RAD51B: variants seen among roughly 807,000 people sequenced by gnomAD.
RAD51B encodes the protein DNA repair protein RAD51 homolog 2.
Under a neutral mutation model 42.2 loss-of-function variants are expected in RAD51B, and 38 were observed. That is an observed-to-expected ratio of 0.90 (90% CI 0.70 to 1.18). The LOEUF is 1.18. Among genes scored for constraint, RAD51B ranks in the 50% most tolerant of loss-of-function variants. The pLI is 0.00. For missense variants in RAD51B, 373 were observed against 400.7 expected (o/e 0.93, Z 0.59); for synonymous variants, 154 against 145.2 (o/e 1.06, Z -0.43).
At chr14:68,209,693 C>T (rs1385763700) in intron 7 of RAD51B, among the ~76,000 whole-genome samples, 2 of 152,144 alleles carry the variant, frequency 1.3e-5, no homozygotes, top group African/African-American at 4.8e-5. Context: ...TCCTGCCCTT[C>T]GGATACACAT....
chr14:67,864,009 G>GGA (rs1183943684), intron 4 of RAD51B, among the ~76,000 whole-genome samples: 8 of 151,566 alleles, frequency 5.3e-5, no homozygotes, highest in Admixed American at 2.0e-4. Context: ...TGGCGGAACA[G>GGA]GAGAGAGAGA....
At chr14:67,995,163 A>C (rs564816249) in intron 7 of RAD51B, among the ~76,000 whole-genome samples, 31 of 152,190 alleles carry the variant, frequency 2.0e-4, no homozygotes, top group Admixed American at 5.9e-4. Flanking sequence ...TGAGGTGGGC[A>C]GATCATAAGG....
chr14:68,515,764 C>CTTTCT (rs541581952), intron 10 of RAD51B, among the ~76,000 whole-genome samples: 3 of 107,406 alleles, frequency 2.8e-5, no homozygotes, highest in African/African-American at 5.6e-5. Context: ...TTCTTTCTTT[C>CTTTCT]TTTCTTTTCT....
chr14:68,399,666 T>C (rs2084037247), intron 8 of RAD51B, among the ~76,000 whole-genome samples: 1 of 152,242 alleles, frequency 6.6e-6, no homozygotes, highest in African/African-American at 2.4e-5. Flanking sequence ...TGCTGAACCA[T>C]CTGAGGGCAA....
intron 10 of RAD51B, among the ~76,000 whole-genome samples, chr14:68,622,702 G>A (rs1303319055): frequency 7.8e-6 from 1 of 128,538 alleles, no homozygotes; most frequent in Non-Finnish European, 1.6e-5. Context: ...TTGATGCTGG[G>A]TCTATTAATG....
At chr14:68,009,700 C>T (rs973876314) in intron 7 of RAD51B, among the ~76,000 whole-genome samples, 5 of 151,878 alleles carry the variant, frequency 3.3e-5, no homozygotes, top group South Asian at 2.1e-4. Context: ...ACTTGCTAGA[C>T]GACCTCTTCT....
chr14:68,062,384 G>A lies in RAD51B; in HGVS notation c.756+175180G>A, dbSNP rs115550749. On this transcript the variant is annotated intron_variant, in intron 7 of 10. Transcript: ENST00000471583. ...TTTGGTTGTGTCCTTGTCTGGTTTT[G>A]GTATCAGGGTAATGCTGGACTTATA... Among the ~76,000 whole-genome samples, 492 of 152,202 alleles carry A rather than the reference G, an allele frequency of 3.2e-3. 2 individuals are homozygous for A. Among genetic ancestry groups the A allele is most frequent in the African/African-American group, 9.8e-3 (405 of 41,526 alleles).
intron 11 of RAD51B, among the ~76,000 whole-genome samples, chr14:68,657,292 A>C (rs1206374008): frequency 1.3e-5 from 2 of 152,282 alleles, no homozygotes; most frequent in East Asian, 3.9e-4. Flanking sequence ...GAAACTTAGC[A>C]CTTCATGGCT....
intron 8 of RAD51B, among the ~76,000 whole-genome samples, chr14:68,394,685 C>T (rs1225880912): frequency 6.6e-6 from 1 of 152,224 alleles, no homozygotes. Flanking sequence ...AAGGTATCTA[C>T]TTTATCCCAG....
intron 8 of RAD51B, among the ~76,000 whole-genome samples, chr14:68,403,348 TA>T (rs1474047887): frequency 2.6e-5 from 4 of 152,246 alleles, no homozygotes; most frequent in African/African-American, 9.6e-5. Flanking sequence ...AGCATTCTTT[TA>T]AAGTTGACCC....
At chr14:68,406,633 C>G (rs548034839) in intron 8 of RAD51B, among the ~76,000 whole-genome samples, 7 of 152,116 alleles carry the variant, frequency 4.6e-5, no homozygotes, top group Admixed American at 4.6e-4. Flanking sequence ...ACCCCGTATC[C>G]TTAGGCTATA....
chr14:68,099,094 G>T (rs1428837914), intron 7 of RAD51B, among the ~76,000 whole-genome samples: 2 of 152,154 alleles, frequency 1.3e-5, no homozygotes, highest in Non-Finnish European at 2.9e-5. Context: ...TAATTGCTAG[G>T]TTTAACGAAG....
downstream of RAD51B, among the ~76,000 whole-genome samples, chr14:68,480,628 C>G (rs1300203358): frequency 6.6e-6 from 1 of 151,770 alleles, no homozygotes; most frequent in Non-Finnish European, 1.5e-5. Flanking sequence ...AGAAATTTCT[C>G]CTTGTCCCTT....
intron 7 of RAD51B, among the ~76,000 whole-genome samples, chr14:67,918,855 A>AT (rs1426504880): frequency 2.0e-5 from 3 of 152,212 alleles, no homozygotes; most frequent in African/African-American, 4.8e-5. Flanking sequence ...GCCTAAAGAT[A>AT]TTTTTTTAGC....
chr14:67,936,924 T>G (rs2044976743), intron 7 of RAD51B, among the ~76,000 whole-genome samples: 1 of 152,240 alleles, frequency 6.6e-6, no homozygotes. Context: ...GTAATTGGGT[T>G]GTCTTTTTAT....
chr14:68,498,983 G>A (rs1167758268), intron 10 of RAD51B, among the ~76,000 whole-genome samples: 1 of 152,316 alleles, frequency 6.6e-6, no homozygotes, highest in South Asian at 2.1e-4. Context: ...ATAGACAACA[G>A]GGGTCAGAGA....
At position 68,040,140 on chromosome 14, in the gene RAD51B, G is replaced by A. The variant is rs2076195820; in HGVS notation, c.756+152936G>A. Among the ~76,000 whole-genome samples, 4 of 152,312 alleles carry A rather than the reference G, an allele frequency of 2.6e-5. No individual in the cohort carries two copies. In the South Asian group the frequency reaches 8.3e-4, roughly 32 times the overall value. ...AACATATATGAATAAGGATGAAGAT[G>A]AGTATCATTTGATTAAAGTATAGCT... On this transcript the variant is annotated intron_variant, in intron 7 of 10. Coordinates refer to ENST00000471583, the MANE Select transcript of RAD51B (RefSeq NM_133510.4).
Position 68,619,006 on chromosome 14 carries a change from C to A in RAD51B, c.1037-31775C>A, listed in dbSNP as rs374660422. On this transcript the variant is annotated intron_variant, in intron 10 of 11. Coordinates refer to the RAD51B transcript ENST00000488612. ...ATAAAGACCACTCACGTAGAGACAACTATCATTTGGGGATCATGCTCAAGG... is the reference window on the plus strand; with the variant it reads ...ATAAAGACCACTCACGTAGAGACAAATATCATTTGGGGATCATGCTCAAGG... Among the ~76,000 whole-genome samples, 5 of 152,336 alleles carry A rather than the reference C, an allele frequency of 3.3e-5. No individual in the cohort carries two copies. In the South Asian group the frequency reaches 1.0e-3, roughly 32 times the overall value.
intron 9 of RAD51B, among the ~76,000 whole-genome samples, chr14:68,413,338 A>G (rs2084467694): frequency 6.6e-6 from 1 of 152,206 alleles, no homozygotes; most frequent in Non-Finnish European, 1.5e-5. Context: ...AGCAAAGTGT[A>G]GATGGATCAG....
Sources: gnomAD v4.1 joint callset for allele counts (sites outside exome capture counted in the v4.1 genomes callset) on GRCh38, gnomAD v4.1.1 for gene constraint, MANE v1.5 for transcripts, NCBI Gene and HGNC (gene_info 2026-07-23, HGNC 2026-07-21) for gene names.